REL: variants seen among roughly 807,000 people sequenced by gnomAD.
REL encodes proto-oncogene c-Rel.
In REL, 15 loss-of-function variants were observed where a neutral mutation model predicts 45.9. The ratio of observed to expected loss-of-function variants is 0.33; its 90% confidence interval spans 0.22 to 0.50. The LOEUF is 0.50. REL is among the 20% of genes least tolerant of loss of function. REL has a pLI of 0.98. For missense variants in REL, 601 were observed against 715.2 expected (o/e 0.84, Z 1.82); for synonymous variants, 239 against 242.1 (o/e 0.99, Z 0.12).
chr2:60,899,683 T>A (rs1673445055), intron 3 of REL: 1 of 152,304 alleles, frequency 6.6e-6, no homozygotes, highest in African/African-American at 2.4e-5. Context: ...TTATTATAAT[T>A]GAGTTTTGCT....
At chr2:60,910,646 G>A (rs923792675) in intron 4 of REL, among the ~76,000 whole-genome samples, 1 of 152,110 alleles carries the variant, frequency 6.6e-6, no homozygotes, top group Non-Finnish European at 1.5e-5. Context: ...TTAAAACTGA[G>A]TATCAGGCCA....
At chr2:60,908,873 G>C (rs1024697373) in intron 4 of REL, among the ~76,000 whole-genome samples, 2 of 152,190 alleles carry the variant, frequency 1.3e-5, no homozygotes, top group Non-Finnish European at 2.9e-5. Flanking sequence ...TTAGTAGTCT[G>C]AAAGGGAATA....
chr2:60,884,099 CAAA>C (rs199826692), intron 1 of REL, among the ~76,000 whole-genome samples: 6 of 66,710 alleles, frequency 9.0e-5, no homozygotes, highest in Non-Finnish European at 9.3e-5. Flanking sequence ...GAAGAGTGAC[CAAA>C]AAAAAAAAAA....
intron 3 of REL, chr2:60,898,993 CT>C (rs1465904767): frequency 6.6e-6 from 1 of 152,146 alleles, no homozygotes; most frequent in African/African-American, 2.4e-5. Context: ...ACCACCACCC[CT>C]AATATTCCGT....
At position 60,923,414 on chromosome 2, in the gene REL, T is replaced by C. The variant is rs1339323523; in HGVS notation, c.*879T>C. 1.3e-5 allele frequency: 3 copies of C among 231,478 alleles called. No individual in the cohort carries two copies. In the East Asian group the frequency reaches 1.8e-4, roughly 14 times the overall value. 14.3% of individuals were successfully genotyped at this position (231,478 alleles called of 1,614,324 possible). On this transcript the variant is annotated 3_prime_UTR_variant, in exon 10 of 10. Transcript: ENST00000394479. ...AAGGGGAAGAAGTTTCCTTGGACCA[T>C]TCGCCTTTCTTAGATGTCCTCACTC...
chr2:60,904,370 C>G lies in REL; in HGVS notation c.394+3287C>G, dbSNP rs540773978. ...TAAGCCAAGATTGCTCCACTGCACT[C>G]CAGCCTGGGCGACAGAACGAGACTC... On this transcript the variant is annotated intron_variant, in intron 4 of 9. Coordinates refer to ENST00000394479, the MANE Select transcript of REL (RefSeq NM_001291746.2). Among the ~76,000 whole-genome samples, 11 of 151,114 alleles carry G rather than the reference C, an allele frequency of 7.3e-5. No individual in the cohort carries two copies. The East Asian group carries it at 2.1e-3, about 29-fold the overall frequency.
intron 4 of REL, among the ~76,000 whole-genome samples, chr2:60,915,775 T>C (rs1017490933): frequency 6.6e-6 from 1 of 152,260 alleles, no homozygotes; most frequent in Non-Finnish European, 1.5e-5. Context: ...ACTGGATTTC[T>C]GGTTCAAATA....
At chr2:60,881,952 G>C (rs1334834091) in intron 1 of REL, 102 bp downstream of exon 1, 2 of 754,980 alleles carry the variant, frequency 2.6e-6, no homozygotes, top group Non-Finnish European at 3.9e-6. Context: ...GCTGGGGCGC[G>C]TTCTGTCTTT....
In REL at chr2:60,929,595, C is replaced by G. The variant is rs1445817007; in HGVS notation, c.*7060C>G. 1.3e-5 allele frequency: 2 copies of G among 149,514 alleles called. No homozygotes were observed. Among genetic ancestry groups the G allele is most frequent in the Non-Finnish European group, 3.0e-5 (2 of 67,738 alleles). The allele number at this position is 149,514 out of a possible 1,614,324, so 9.3% of individuals were successfully genotyped here. A position where few individuals can be genotyped will look rare whatever the true frequency, so the allele number is the denominator to read the frequency against. On this transcript the variant is annotated 3_prime_UTR_variant, in exon 10 of 10. Transcript: ENST00000394479. ...AACAAGAAACCAAACACCACATATT[C>G]TCACTCATAGGTGGGAATTGAACAA... is the stretch of plus-strand genomic sequence containing the variant.
intron 3 of REL, among the ~76,000 whole-genome samples, chr2:60,896,133 A>C (rs1225335267): frequency 1.3e-5 from 2 of 151,542 alleles, no homozygotes; most frequent in East Asian, 3.9e-4. Flanking sequence ...CTCCCATGTT[A>C]GCTGATATTA....
chr2:60,888,307 A>G (rs907029743), intron 1 of REL, among the ~76,000 whole-genome samples: 36 of 152,126 alleles, frequency 2.4e-4, no homozygotes, highest in Admixed American at 2.0e-3. Flanking sequence ...AACACTTATC[A>G]TTAACGATGT....
rs1040114363 is a variant in REL at position 60,922,655 on chromosome 2, T to A, written c.*120T>A. 3.7e-6 allele frequency: 5 copies of A among 1,341,410 alleles called. No homozygotes were observed. The highest frequency in any genetic ancestry group is 4.8e-6 in the Non-Finnish European group (5 of 1,043,930). The allele number at this position is 1,341,410 out of a possible 1,614,324, so 83.1% of individuals were successfully genotyped here. A position where few individuals can be genotyped will look rare whatever the true frequency, so the allele number is the denominator to read the frequency against. ...CTGTATATATAATACTGACTGAGAA[T>A]ATAATACTGTATTTGAGAATATAAA... On this transcript the variant is annotated 3_prime_UTR_variant, in exon 10 of 10. Transcript: ENST00000394479.
chr2:60,897,033 C>T (rs989312458), intron 3 of REL, among the ~76,000 whole-genome samples: 1 of 152,026 alleles, frequency 6.6e-6, no homozygotes, highest in African/African-American at 2.4e-5. Context: ...ACATTATTGG[C>T]GATATTATCT....
chr2:60,881,969 T>C (rs1319013118), intron 1 of REL, 119 bp downstream of exon 1: 10 of 634,906 alleles, frequency 1.6e-5, no homozygotes, highest in Non-Finnish European at 2.2e-5. Context: ...CTTTAAAATC[T>C]CATATGGTAA....
rs1573351473 is a variant in REL at position 60,924,846 on chromosome 2, T to C, written c.*2311T>C. 1 of 210,932 alleles carries C rather than the reference T, an allele frequency of 4.7e-6. No homozygotes were observed. The highest frequency in any genetic ancestry group is 7.1e-5 in the East Asian group (1 of 14,014). 13.1% of individuals were successfully genotyped at this position (210,932 alleles called of 1,614,324 possible). The stretch of plus-strand genomic sequence containing the variant: ...CTAGCTCCTTAATCAGATTTAAAAT[T>C]CTCAGTGTTTCCTAGTTGTTTCTGC... On this transcript the variant is annotated 3_prime_UTR_variant, in exon 10 of 10. Coordinates refer to ENST00000394479, the MANE Select transcript of REL (RefSeq NM_001291746.2).
In REL at chr2:60,918,433, C is replaced by G; in HGVS notation, c.680C>G (p.Ala227Gly). The stretch of plus-strand genomic sequence containing the variant: ...CGTTTTGTGTTGAACGATTGGGAAG[C>G]AAAAGGCATCTTTTCACAAGCTGAT... ...EVRFVLNDWE[A>G]KGIFSQADVH... The change falls in exon 7 of 10, where the codon GCA (alanine) becomes GGA (glycine). Residue 227 changes from alanine (A) to glycine (G), a missense_variant. Around this residue, in one of 4 missense-constraint regions of REL, gnomAD observed 241 missense variants for 347.0 expected, o/e 0.69. Transcript: ENST00000394479. The G allele has an allele frequency of 3.1e-6, 5 of 1,613,086 alleles. No individual in the cohort carries two copies. The highest frequency in any genetic ancestry group is 3.4e-6 in the Non-Finnish European group (4 of 1,179,892).
rs750087142 is a variant in REL, at chr2:60,893,967, CAT to C, written c.154-425_154-424del. Reference sequence around the variant, plus strand: ...CAAATATTTTTGTGAAGTGAAATGTCATATATTAAGTAAAATGATCATATTTA... The same window carrying C: ...CAAATATTTTTGTGAAGTGAAATGTCATATTAAGTAAAATGATCATATTTA... On this transcript the variant is annotated intron_variant, in intron 2 of 9. Coordinates refer to ENST00000394479, the MANE Select transcript of REL (RefSeq NM_001291746.2). Among the ~76,000 whole-genome samples the C allele has an allele frequency of 8.1e-4, 124 of 152,196 alleles. 1 individual carries two copies. Among genetic ancestry groups the C allele is most frequent in the South Asian group, 2.1e-3 (10 of 4,828 alleles).
At chr2:60,885,599 C>T (rs1673052977) in intron 1 of REL, among the ~76,000 whole-genome samples, 1 of 152,152 alleles carries the variant, frequency 6.6e-6, no homozygotes, top group Non-Finnish European at 1.5e-5. Flanking sequence ...GTAATAAAGT[C>T]AGCCTGATAT....
At chr2:60,888,857 A>G (rs1656564572) in intron 1 of REL, among the ~76,000 whole-genome samples, 1 of 152,202 alleles carries the variant, frequency 6.6e-6, no homozygotes, top group African/African-American at 2.4e-5. Flanking sequence ...TGTCAATTTT[A>G]TCTTTTAAAT....
Sources: gnomAD v4.1 joint callset for allele counts (sites outside exome capture counted in the v4.1 genomes callset) on GRCh38, gnomAD v4.1.1 for gene constraint, gnomAD v4.1.1 regional missense constraint, MANE v1.5 for transcripts, NCBI Gene and HGNC (gene_info 2026-07-23, HGNC 2026-07-21) for gene names.